Variants in SDK1 observed in about 807,000 individuals in gnomAD.
SDK1 encodes sidekick cell adhesion molecule 1, also known as protein sidekick-1.
In SDK1, 157 loss-of-function variants were observed where a neutral mutation model predicts 245.5. That is an observed-to-expected ratio of 0.64 (90% CI 0.56 to 0.73). The LOEUF is 0.73. SDK1 is among the 30% of genes least tolerant of loss of function. The pLI is 0.00. For synonymous variants in SDK1, 1,647 were observed against 1,278.5 expected, an observed-to-expected ratio of 1.29 and a Z score of -6.15; for missense variants, 3,583 against 3,002.3, an observed-to-expected ratio of 1.19 and a Z score of -4.52.
chr7:3,550,437 T>G lies in SDK1; in HGVS notation c.299-68643T>G, dbSNP rs73296252. 8.2e-3 allele frequency among the ~76,000 whole-genome samples: 1,245 copies of G among 152,332 alleles called. 20 individuals carry two copies. The highest frequency in any genetic ancestry group is 0.028 in the African/African-American group (1,168 of 41,564). On this transcript the variant is annotated intron_variant, in intron 1 of 44. Transcript: ENST00000404826. ...GACAAGTTCAAAGCAGTCCTGACGC[T>G]CACTTGACTAAGGCATGTGCCTCAT...
At chr7:3,788,389 C>G (rs763957339) in intron 4 of SDK1, among the ~76,000 whole-genome samples, 10 of 152,270 alleles carry the variant, frequency 6.6e-5, no homozygotes, top group South Asian at 6.2e-4. Context: ...TAGCTTCTGC[C>G]AGGCCGGAGA....
rs150519551 is a variant in SDK1 at position 4,221,335 on chromosome 7, C to G, written c.5798C>G (p.Thr1933Arg). 1.8e-5 allele frequency: 29 copies of G among 1,612,434 alleles called. No individual in the cohort carries two copies. The African/African-American group carries it at 3.9e-4, about 21-fold the overall frequency. ...TEGHSGDTPT[T>R]GYVIEARPSD... is the part of the protein sequence containing the mutation. The stretch of plus-strand genomic sequence containing the variant: ...GGACACTCTGGCGACACACCTACCA[C>G]GGGCTATGTGATCGAGGCCCGGCCC... Residue 1933 changes from threonine to arginine, a missense_variant, in exon 40 of 45, where the codon ACG (threonine) becomes AGG (arginine). By Grantham distance (71) the Thr-to-Arg change is moderately conservative. Coordinates refer to ENST00000404826, the MANE Select transcript of SDK1 (RefSeq NM_152744.4).
At chr7:3,678,263 T>C (rs1783971817) in intron 4 of SDK1, among the ~76,000 whole-genome samples, 1 of 152,170 alleles carries the variant, frequency 6.6e-6, no homozygotes, top group South Asian at 2.1e-4. Context: ...CAATTTCACA[T>C]CTAGGTATAT....
chr7:4,074,988 C>T (rs1295804449), intron 20 of SDK1, among the ~76,000 whole-genome samples: 3 of 146,080 alleles, frequency 2.1e-5, no homozygotes, highest in Non-Finnish European at 4.5e-5. Context: ...CCTGGGTAGT[C>T]GGCCTTCTCC....
At chr7:3,682,436 C>T (rs772238105) in intron 4 of SDK1, among the ~76,000 whole-genome samples, 3 of 152,288 alleles carry the variant, frequency 2.0e-5, no homozygotes, top group African/African-American at 4.8e-5. Context: ...AAATCATGCA[C>T]TGTCGTCCTG....
intron 1 of SDK1, among the ~76,000 whole-genome samples, chr7:3,440,736 C>T (rs896546450): frequency 4.6e-5 from 7 of 152,134 alleles, no homozygotes; most frequent in Admixed American, 2.6e-4. Context: ...ACAAATCTAT[C>T]CATGAAATTG....
At chr7:3,492,069 C>G (rs1168578621) in intron 1 of SDK1, among the ~76,000 whole-genome samples, 1 of 152,120 alleles carries the variant, frequency 6.6e-6, no homozygotes, top group Non-Finnish European at 1.5e-5. Flanking sequence ...ATTTCGTTTT[C>G]AAAGCCAGAT....
chr7:3,603,797 C>G (rs933991514), intron 1 of SDK1, among the ~76,000 whole-genome samples: 1 of 152,142 alleles, frequency 6.6e-6, no homozygotes, highest in Non-Finnish European at 1.5e-5. Context: ...TTTGCGCATT[C>G]AGTATGATAT....
chr7:3,382,616 TAAA>T (rs1781515428), intron 1 of SDK1, among the ~76,000 whole-genome samples: 1 of 152,320 alleles, frequency 6.6e-6, no homozygotes, highest in South Asian at 2.1e-4. Flanking sequence ...TGTCCTGATT[TAAA>T]AAATCATGTT....
chr7:3,478,313 T>C (rs910797753), intron 1 of SDK1, among the ~76,000 whole-genome samples: 2 of 152,072 alleles, frequency 1.3e-5, no homozygotes, highest in African/African-American at 4.8e-5. Context: ...TGTTGACTTA[T>C]TTTTTGAGAT....
In SDK1 at chr7:4,266,279, A is replaced by G. The variant is rs1226009264; in HGVS notation, c.*895A>G. 3.0e-6 allele frequency: 3 copies of G among 985,272 alleles called. No homozygotes were observed. The highest frequency in any genetic ancestry group is 3.6e-6 in the Non-Finnish European group (3 of 829,906). 61.0% of individuals were successfully genotyped at this position (985,272 alleles called of 1,614,324 possible). ...TTTAAAATCTTTTTATCTTTTTTTAAACTATGTCACATGAAATGAATGCGT... is the reference window on the plus strand; with the variant it reads ...TTTAAAATCTTTTTATCTTTTTTTAGACTATGTCACATGAAATGAATGCGT... On this transcript the variant is annotated 3_prime_UTR_variant, in exon 45 of 45. Coordinates refer to ENST00000404826, the MANE Select transcript of SDK1 (RefSeq NM_152744.4).
intron 1 of SDK1, among the ~76,000 whole-genome samples, chr7:3,403,851 A>ATATAT (rs1778968759): frequency 2.2e-5 from 2 of 90,002 alleles, no homozygotes; most frequent in South Asian, 7.2e-4. Context: ...ATATATATAT[A>ATATAT]TATATATATA....
At chr7:3,845,446 C>T (rs905646194) in intron 5 of SDK1, among the ~76,000 whole-genome samples, 4 of 144,850 alleles carry the variant, frequency 2.8e-5, no homozygotes, top group Admixed American at 1.4e-4. Flanking sequence ...GCCGAGATCG[C>T]GCCACTGCAC....
chr7:3,902,052 C>T (rs1562523744), intron 5 of SDK1, among the ~76,000 whole-genome samples: 1 of 152,146 alleles, frequency 6.6e-6, no homozygotes, highest in Non-Finnish European at 1.5e-5. Flanking sequence ...CCTGCCCCAG[C>T]CCTGGAATCA....
intron 4 of SDK1, among the ~76,000 whole-genome samples, chr7:3,749,345 G>C (rs1779713199): frequency 6.6e-6 from 1 of 151,958 alleles, no homozygotes; most frequent in Non-Finnish European, 1.5e-5. Flanking sequence ...TGTCACCCAG[G>C]CTGGAGTGCA....
At chr7:4,082,263 C>A (rs1421092198) in intron 22 of SDK1, among the ~76,000 whole-genome samples, 2 of 151,956 alleles carry the variant, frequency 1.3e-5, no homozygotes, top group Non-Finnish European at 2.9e-5. Flanking sequence ...TTTGGCCAGG[C>A]GTGATGGCTC....
At chr7:4,110,923 C>T (rs111894903) in intron 23 of SDK1, 151 bp downstream of exon 23, 60 of 628,476 alleles carry the variant, frequency 9.5e-5, no homozygotes, top group African/African-American at 1.6e-4. Flanking sequence ...AAGGAGCAGG[C>T]GGGATGCATA....
At chr7:4,235,984 C>A (rs1027588274) in intron 41 of SDK1, among the ~76,000 whole-genome samples, 3 of 152,376 alleles carry the variant, frequency 2.0e-5, no homozygotes, top group African/African-American at 2.4e-5. Context: ...TCAGACTTGC[C>A]GCATGGAGTA....
intron 5 of SDK1, among the ~76,000 whole-genome samples, chr7:3,891,557 G>T (rs769393915): frequency 6.6e-6 from 1 of 152,020 alleles, no homozygotes; most frequent in Non-Finnish European, 1.5e-5. Context: ...CTTTGATTCC[G>T]GTCAACCCCG....
Sources: allele counts gnomAD v4.1 joint callset (sites outside exome capture counted in the v4.1 genomes callset), GRCh38; gene constraint gnomAD v4.1.1; transcripts MANE v1.5; gene names NCBI Gene and HGNC (gene_info 2026-07-23, HGNC 2026-07-21).